INSIG2: variants seen among roughly 807,000 people sequenced by gnomAD.
The protein encoded by INSIG2 is insulin-induced gene 2 protein.
A neutral mutation model predicts 27.2 loss-of-function variants in INSIG2; 10 were observed. The ratio of observed to expected loss-of-function variants is 0.37; its 90% CI spans 0.23 to 0.62. The LOEUF (loss-of-function observed/expected upper bound fraction) is 0.62. Among genes scored for constraint, INSIG2 ranks in the 20% least tolerant of loss-of-function variants. The probability of loss-of-function intolerance (pLI) is 0.65; values close to 1 mark genes in which losing one functional copy is unlikely to be tolerated. For missense variants in INSIG2, 178 were observed against 270.2 expected (o/e 0.66, Z 2.39); for synonymous variants, 97 against 95.8 (o/e 1.01, Z -0.07).
Position 118,108,321 on chromosome 2 carries a change from G to A in INSIG2, c.677G>A (p.Ter226=). The change falls in exon 6 of 6, where the codon TGA becomes TAA. Residue 226 remains the stop codon, a stop_retained_variant. Transcript: ENST00000245787. Reference sequence around the variant, plus strand: ...ATCGCAGAAAAATCTCATCAGGAATGAAGAAGGCAAAAAATATCTTTTGTA... The same window carrying A: ...ATCGCAGAAAAATCTCATCAGGAATAAAGAAGGCAAAAAATATCTTTTGTA... ...KVIAEKSHQE[*] is the part of the protein sequence containing the mutation. 1 of 1,596,322 alleles carries A rather than the reference G, an allele frequency of 6.3e-7. No homozygotes were observed. The highest frequency in any genetic ancestry group is 1.7e-5 in the Admixed American group (1 of 57,310).
At chr2:118,095,913 G>T (rs982806925) in intron 1 of INSIG2, among the ~76,000 whole-genome samples, 2 of 152,164 alleles carry the variant, frequency 1.3e-5, no homozygotes, top group Admixed American at 1.3e-4. Context: ...ATTAAAGCGG[G>T]TTATTTTGTT....
Position 118,103,453 on chromosome 2 carries a change from C to T in INSIG2, c.369+132C>T, listed in dbSNP as rs554055421. 4 of 709,136 alleles carry T rather than the reference C, an allele frequency of 5.6e-6. No individual in the cohort carries two copies. The South Asian group carries it at 8.5e-5, about 15-fold the overall frequency. The allele number at this position is 709,136 out of a possible 1,614,324, so 43.9% of individuals were successfully genotyped here. A position where few individuals can be genotyped will look rare whatever the true frequency, so the allele number is the denominator to read the frequency against. Reference sequence around the variant, plus strand: ...ACTTAGTCAGAAGAAGAATGTCAACCATATTGTTGAAACATCGGTGTAGCA... The same window carrying T: ...ACTTAGTCAGAAGAAGAATGTCAACTATATTGTTGAAACATCGGTGTAGCA... On this transcript the variant is annotated intron_variant, in intron 3 of 5. Coordinates refer to ENST00000245787, the MANE Select transcript of INSIG2 (RefSeq NM_016133.4).
At chr2:118,101,420 A>T (rs949011960) in intron 2 of INSIG2, among the ~76,000 whole-genome samples, 1 of 152,216 alleles carries the variant, frequency 6.6e-6, no homozygotes, top group African/African-American at 2.4e-5. Flanking sequence ...ATAAAAATAT[A>T]GTCGATTTTA....
At chr2:118,095,348 G>A (rs771610538) in intron 1 of INSIG2, among the ~76,000 whole-genome samples, 3 of 152,180 alleles carry the variant, frequency 2.0e-5, no homozygotes, top group Admixed American at 2.0e-4. Flanking sequence ...GTAAGAATGA[G>A]GGCTTTGGAG....
intron 3 of INSIG2, 184 bp from the exon 4 acceptor site, chr2:118,106,547 TCTGGTA>T (rs1433598767): frequency 3.8e-6 from 2 of 521,166 alleles, no homozygotes; most frequent in African/African-American, 3.8e-5. Flanking sequence ...CTTTTGTGTA[TCTGGTA>T]TTGGGTAAAT....
chr2:118,092,525 C>G (rs1201587312), intron 1 of INSIG2, among the ~76,000 whole-genome samples: 3 of 152,046 alleles, frequency 2.0e-5, no homozygotes. Context: ...TATATAGAAC[C>G]ATCTGCCGAA....
intron 1 of INSIG2, among the ~76,000 whole-genome samples, chr2:118,095,050 G>A (rs1678375010): frequency 1.3e-5 from 2 of 152,348 alleles, no homozygotes; most frequent in South Asian, 4.1e-4. Context: ...CATAGGCACA[G>A]TGATATTAAT....
chr2:118,103,370 C>G (rs375468550), intron 3 of INSIG2, 49 bp downstream of exon 3: 41 of 1,550,268 alleles, frequency 2.6e-5, no homozygotes, highest in Non-Finnish European at 1.3e-5. Flanking sequence ...TGGCTTCCAA[C>G]AAACCAAAGG....
At chr2:118,107,866 A>G (rs1678712478) in intron 5 of INSIG2, among the ~76,000 whole-genome samples, 1 of 152,188 alleles carries the variant, frequency 6.6e-6, no homozygotes, top group African/African-American at 2.4e-5. Context: ...ATCATATAGC[A>G]ATTTGAAAAT....
At chr2:118,090,122 A>G (rs2104517932) in intron 1 of INSIG2, among the ~76,000 whole-genome samples, 1 of 152,336 alleles carries the variant, frequency 6.6e-6, no homozygotes, top group Middle Eastern at 3.4e-3. Flanking sequence ...TGCTTATTCT[A>G]TTTCAAGAAT....
At chr2:118,098,419 GAAGA>G (rs1342737184) in intron 2 of INSIG2, among the ~76,000 whole-genome samples, 1 of 152,196 alleles carries the variant, frequency 6.6e-6, no homozygotes, top group African/African-American at 2.4e-5. Context: ...TCACTGAGAT[GAAGA>G]AAGAAAACCA....
intron 1 of INSIG2, among the ~76,000 whole-genome samples, chr2:118,089,435 T>C (rs1678173766): frequency 6.6e-6 from 1 of 152,138 alleles, no homozygotes; most frequent in Non-Finnish European, 1.5e-5. Flanking sequence ...TGCAGGGGAA[T>C]GCGTGCTCCC....
Position 118,108,265 on chromosome 2 carries a change from C to T in INSIG2, c.637-16C>T. 1 of 1,569,412 alleles carries T rather than the reference C, an allele frequency of 6.4e-7. No homozygotes were observed. The highest frequency in any genetic ancestry group is 1.4e-5 in the African/African-American group (1 of 72,950). The stretch of plus-strand genomic sequence containing the variant: ...AGTCTTAATCTGTTAACCTTTTAAC[C>T]TTTTAATTTTTGCAGTACGAATGTA... On this transcript the variant is annotated splice_polypyrimidine_tract_variant and intron_variant, in intron 5 of 5. Coordinates refer to ENST00000245787, the MANE Select transcript of INSIG2 (RefSeq NM_016133.4).
chr2:118,098,881 A>G (rs2104530040), intron 2 of INSIG2, among the ~76,000 whole-genome samples: 1 of 152,348 alleles, frequency 6.6e-6, no homozygotes, highest in Middle Eastern at 3.4e-3. Context: ...TTCTGAAAGC[A>G]GTTTGTACCA....
Position 118,098,728 on chromosome 2 carries a change from C to T in INSIG2, c.244+1928C>T, listed in dbSNP as rs547064916. Among the ~76,000 whole-genome samples, 12 of 152,298 alleles carry T rather than the reference C, an allele frequency of 7.9e-5. No homozygotes were observed. The South Asian group carries it at 2.1e-3, about 26-fold the overall frequency. On this transcript the variant is annotated intron_variant, in intron 2 of 5. Coordinates refer to ENST00000245787, the MANE Select transcript of INSIG2 (RefSeq NM_016133.4). Reference sequence around the variant, plus strand: ...TGTCAGCACTTTTGCCATAAACTTACATTTTAGGAAGGAAAATTTCAAATG... The same window carrying T: ...TGTCAGCACTTTTGCCATAAACTTATATTTTAGGAAGGAAAATTTCAAATG...
chr2:118,096,783 GCTGTGGCACGGCTT>G lies in INSIG2; in HGVS notation c.229_242del (p.Cys77SerfsTer11), dbSNP rs1678418221. Reference sequence around the variant, plus strand: ...TCTTCTGCATGGTGGGTACCCCCATGCTGTGGCACGGCTTCAGGTATGTGTAGGATGTTTCTGTA... The same window carrying G: ...TCTTCTGCATGGTGGGTACCCCCATGCAGGTATGTGTAGGATGTTTCTGTA... On this transcript the variant is annotated frameshift_variant, in exon 2 of 6. Transcript: ENST00000245787. LOFTEE classifies it high-confidence loss of function. The G allele has an allele frequency of 6.2e-7, 1 of 1,613,274 alleles. No homozygotes were observed. Among genetic ancestry groups the G allele is most frequent in the Non-Finnish European group, 8.5e-7 (1 of 1,180,006 alleles).
intron 1 of INSIG2, among the ~76,000 whole-genome samples, chr2:118,095,387 T>G (rs1287951645): frequency 6.6e-6 from 1 of 152,228 alleles, no homozygotes; most frequent in Non-Finnish European, 1.5e-5. Flanking sequence ...AATCCCAGCT[T>G]GGCCTCTTAC....
chr2:118,093,863 T>TGATGAG (rs1399296144), intron 1 of INSIG2, among the ~76,000 whole-genome samples: 6 of 42,094 alleles, frequency 1.4e-4, no homozygotes, highest in African/African-American at 5.2e-4. Flanking sequence ...ATGATGATGA[T>TGATGAG]GAGGAGGAGG....
chr2:118,090,968 A>C (rs1678210204), intron 1 of INSIG2, among the ~76,000 whole-genome samples: 1 of 152,216 alleles, frequency 6.6e-6, no homozygotes, highest in African/African-American at 2.4e-5. Flanking sequence ...TTGTCCTTTA[A>C]ACAGTATCTT....
Sources: allele counts gnomAD v4.1 joint callset (sites outside exome capture counted in the v4.1 genomes callset), GRCh38; gene constraint gnomAD v4.1.1; transcripts MANE v1.5; gene names NCBI Gene and HGNC (gene_info 2026-07-23, HGNC 2026-07-21).